PRKG1: variants seen among roughly 807,000 people sequenced by gnomAD.
PRKG1 encodes the protein protein kinase cGMP-dependent 1, also known as cGMP-dependent protein kinase 1.
PRKG1 carries 35 observed loss-of-function variants against 88.1 expected under a neutral mutation model. The observed-to-expected ratio is 0.40, with a 90% CI of 0.30 to 0.53. PRKG1 has a LOEUF of 0.53. Ranked by LOEUF, PRKG1 falls within the 20% of genes least tolerant of loss-of-function variation. PRKG1 has a pLI of 0.59. For missense variants in PRKG1, 540 were observed against 839.8 expected, an observed-to-expected ratio of 0.64 and a Z score of 4.41; for synonymous variants, 303 against 292.5, an observed-to-expected ratio of 1.04 and a Z score of -0.37.
chr10:51,438,495 G>A (rs568814109), intron 2 of PRKG1, among the ~76,000 whole-genome samples: 1 of 151,938 alleles, frequency 6.6e-6, no homozygotes, highest in Non-Finnish European at 1.5e-5. Flanking sequence ...ACAGTATTGA[G>A]AAGTACTGGT....
intron 4 of PRKG1, among the ~76,000 whole-genome samples, chr10:51,837,468 T>A (rs540177436): frequency 7.2e-5 from 11 of 152,284 alleles, no homozygotes; most frequent in Admixed American, 2.6e-4. Flanking sequence ...CACATTTTTT[T>A]AAATTCCTGC....
intron 1 of PRKG1, among the ~76,000 whole-genome samples, chr10:51,013,643 G>A (rs1020763499): frequency 1.3e-5 from 2 of 151,934 alleles, no homozygotes; most frequent in Non-Finnish European, 2.9e-5. Context: ...GCCCACCTAA[G>A]CCTCCCAAAG....
At chr10:51,338,885 A>G (rs956251239) in intron 2 of PRKG1, among the ~76,000 whole-genome samples, 3 of 152,220 alleles carry the variant, frequency 2.0e-5, no homozygotes, top group African/African-American at 7.2e-5. Flanking sequence ...TATCTAGCGC[A>G]ATGCTAAGTT....
intron 2 of PRKG1, among the ~76,000 whole-genome samples, chr10:51,206,052 G>T (rs1439267680): frequency 1.3e-5 from 2 of 152,148 alleles, no homozygotes; most frequent in Non-Finnish European, 2.9e-5. Flanking sequence ...AGAAGCAGCA[G>T]GGTAAACAGT....
chr10:51,699,823 C>T (rs889068435), intron 3 of PRKG1, among the ~76,000 whole-genome samples: 5 of 152,180 alleles, frequency 3.3e-5, no homozygotes, highest in Admixed American at 6.5e-5. Flanking sequence ...TCTGTGGGGC[C>T]CCAACAGCCC....
intron 3 of PRKG1, among the ~76,000 whole-genome samples, chr10:51,475,519 T>A (rs1840165049): frequency 1.3e-5 from 2 of 152,054 alleles, no homozygotes; most frequent in African/African-American, 4.8e-5. Context: ...TTGAGGAATT[T>A]AAAAGAACAT....
chr10:51,715,856 A>T (rs948894369), intron 3 of PRKG1, among the ~76,000 whole-genome samples: 3 of 152,208 alleles, frequency 2.0e-5, no homozygotes, highest in African/African-American at 7.2e-5. Flanking sequence ...AAAAGTGTTG[A>T]CATTTTTATA....
chr10:51,818,431 C>A (rs576042477), intron 4 of PRKG1, among the ~76,000 whole-genome samples: 1 of 152,206 alleles, frequency 6.6e-6, no homozygotes, highest in East Asian at 1.9e-4. Flanking sequence ...AAAAATCAAA[C>A]ATGTCAGAAA....
Position 51,369,149 on chromosome 10 carries a change from A to T in PRKG1, c.479-98574A>T, listed in dbSNP as rs139928363. On this transcript the variant is annotated intron_variant, in intron 2 of 17. Coordinates refer to ENST00000373980, the MANE Select transcript of PRKG1 (RefSeq NM_006258.4). Reference sequence around the variant, plus strand: ...TGCCTGCCAATAGGAGGCGCTCATAATCTTTTTTTTCATTAGAAGCGACTG... The same window carrying T: ...TGCCTGCCAATAGGAGGCGCTCATATTCTTTTTTTTCATTAGAAGCGACTG... Among the ~76,000 whole-genome samples the T allele has an allele frequency of 9.3e-4, 141 of 152,196 alleles. 1 individual carries two copies. Among genetic ancestry groups the T allele is most frequent in the African/African-American group, 2.9e-3 (121 of 41,542 alleles).
chr10:51,525,465 G>A (rs1289817077), intron 3 of PRKG1, among the ~76,000 whole-genome samples: 1 of 152,122 alleles, frequency 6.6e-6, no homozygotes, highest in Non-Finnish European at 1.5e-5. Flanking sequence ...TTGGGAGGTC[G>A]AGGCAGGCAG....
chr10:51,458,583 C>T (rs1245076266), intron 2 of PRKG1, among the ~76,000 whole-genome samples: 3 of 152,048 alleles, frequency 2.0e-5, no homozygotes, highest in African/African-American at 2.4e-5. Flanking sequence ...TTATTATTCC[C>T]ATTGCATTGT....
At chr10:51,026,769 G>C (rs1038460432) in intron 1 of PRKG1, among the ~76,000 whole-genome samples, 5 of 152,130 alleles carry the variant, frequency 3.3e-5, no homozygotes, top group African/African-American at 9.7e-5. Context: ...GAATTAAATA[G>C]GGTGGAGGAA....
intron 1 of PRKG1, among the ~76,000 whole-genome samples, chr10:51,120,802 T>C (rs1238103725): frequency 6.6e-6 from 1 of 152,172 alleles, no homozygotes; most frequent in Non-Finnish European, 1.5e-5. Context: ...AATTTCCTAT[T>C]GTTGCTGTAA....
chr10:51,684,352 C>T (rs1259513710), intron 3 of PRKG1, among the ~76,000 whole-genome samples: 1 of 151,976 alleles, frequency 6.6e-6, no homozygotes, highest in Non-Finnish European at 1.5e-5. Flanking sequence ...GGAAGTGGAT[C>T]CAGTGTTTCT....
At chr10:52,241,550 G>T (rs1012136866) in intron 9 of PRKG1, among the ~76,000 whole-genome samples, 28 of 152,114 alleles carry the variant, frequency 1.8e-4, no homozygotes, top group African/African-American at 6.0e-4. Flanking sequence ...GCATTATACT[G>T]TCTTTTTATT....
intron 7 of PRKG1, among the ~76,000 whole-genome samples, chr10:52,070,470 T>C (rs1229413113): frequency 6.6e-6 from 1 of 152,234 alleles, no homozygotes; most frequent in Non-Finnish European, 1.5e-5. Context: ...ACAGATATAT[T>C]TATCAATAAA....
At chr10:51,217,984 T>C (rs1043064723) in intron 2 of PRKG1, among the ~76,000 whole-genome samples, 1 of 152,164 alleles carries the variant, frequency 6.6e-6, no homozygotes, top group Admixed American at 6.5e-5. Flanking sequence ...CATAATTCAC[T>C]ATGGCTTCAG....
chr10:52,046,617 G>A (rs1845869372), intron 5 of PRKG1: 3 of 152,074 alleles, frequency 2.0e-5, no homozygotes. Context: ...AAAGAACATG[G>A]CATAGGGAAG....
intron 2 of PRKG1, among the ~76,000 whole-genome samples, chr10:51,331,327 G>A (rs566605724): frequency 6.6e-6 from 1 of 152,202 alleles, no homozygotes; most frequent in South Asian, 2.1e-4. Context: ...GGTGCAAGCT[G>A]GAGACTGGGT....
Sources: allele counts gnomAD v4.1 joint callset (sites outside exome capture counted in the v4.1 genomes callset), GRCh38; gene constraint gnomAD v4.1.1; transcripts MANE v1.5; gene names NCBI Gene and HGNC (gene_info 2026-07-23, HGNC 2026-07-21).